Variants in CCNY observed in about 807,000 individuals in gnomAD.
CCNY encodes cyclin-Y.
CCNY carries 19 observed loss-of-function variants against 42.8 expected under a neutral mutation model. The ratio of observed to expected loss-of-function variants is 0.44; its 90% CI spans 0.31 to 0.65. CCNY has a LOEUF of 0.65. Ranked by LOEUF, CCNY falls within the 30% of genes least tolerant of loss-of-function variation. The pLI is 0.07. For missense variants in CCNY, 370 were observed against 437.3 expected (o/e 0.85, Z 1.37); for synonymous variants, 165 against 162.7 (o/e 1.01, Z -0.11).
chr10:35,424,048 G>T (rs1198382401), intron 1 of CCNY, among the ~76,000 whole-genome samples: 1 of 152,138 alleles, frequency 6.6e-6, no homozygotes, highest in Non-Finnish European at 1.5e-5. Context: ...ACTGCCTGGG[G>T]CTCTGGGGAC....
intron 3 of CCNY, among the ~76,000 whole-genome samples, chr10:35,326,712 CCT>C (rs1835884816): frequency 6.6e-6 from 1 of 151,916 alleles, no homozygotes; most frequent in African/African-American, 2.4e-5. Context: ...ATAGCAAGAC[CCT>C]GTCTCAAAAA....
Position 35,530,230 on chromosome 10 carries a change from C to T in CCNY, c.566C>T (p.Ala189Val). Residue 189 changes from alanine (A) to valine (V), a missense_variant, in exon 7 of 10, where the codon GCC (alanine) becomes GTC (valine). Transcript: ENST00000374704. This position sits in a 1 kb window ranked among gnomAD's most constrained non-coding sequence, Gnocchi z 4.3. ...GCTGCTCAGCTGACGGCTGAATGTG[C>T]CATCGTCACCCTGGTGAGTGCCCTC... ...FSAAQLTAEC[A>V]IVTLVYLERL... The T allele has an allele frequency of 6.2e-7, 1 of 1,614,196 alleles. No homozygotes were observed. The highest frequency in any genetic ancestry group is 8.5e-7 in the Non-Finnish European group (1 of 1,180,020).
chr10:35,284,660 T>A (rs1835334270), intron 3 of CCNY, among the ~76,000 whole-genome samples: 1 of 152,072 alleles, frequency 6.6e-6, no homozygotes, highest in South Asian at 2.1e-4. Flanking sequence ...TTGGTTAGGT[T>A]TCTTTTGCTA....
chr10:35,302,933 T>C (rs1760321794), intron 3 of CCNY, among the ~76,000 whole-genome samples: 1 of 152,164 alleles, frequency 6.6e-6, no homozygotes, highest in South Asian at 2.1e-4. Flanking sequence ...CGGTGGCTCA[T>C]GCCTGTAATC....
chr10:35,459,301 T>C (rs1276412360), intron 1 of CCNY, among the ~76,000 whole-genome samples: 2 of 152,116 alleles, frequency 1.3e-5, no homozygotes, highest in East Asian at 1.9e-4. Flanking sequence ...AGACCAAGCT[T>C]GTCCAGCCTG....
At chr10:35,413,320 GGTGA>G (rs1317413882) in intron 1 of CCNY, among the ~76,000 whole-genome samples, 1 of 152,108 alleles carries the variant, frequency 6.6e-6, no homozygotes, top group Non-Finnish European at 1.5e-5. Context: ...TGAACTGGGT[GGTGA>G]GTCAGTGGAT....
chr10:35,461,996 C>G (rs755518141), intron 1 of CCNY, among the ~76,000 whole-genome samples: 2 of 151,998 alleles, frequency 1.3e-5, no homozygotes, highest in African/African-American at 4.8e-5. Flanking sequence ...ATTCCAGGCT[C>G]CTCTAATCTC....
intron 1 of CCNY, among the ~76,000 whole-genome samples, chr10:35,404,851 G>A (rs2135235586): frequency 6.6e-6 from 1 of 152,276 alleles, no homozygotes; most frequent in East Asian, 1.9e-4. Flanking sequence ...TGAAGTAGTA[G>A]GGGCTGTCCA....
At chr10:35,399,179 G>C (rs1047684596) in intron 1 of CCNY, among the ~76,000 whole-genome samples, 4 of 152,204 alleles carry the variant, frequency 2.6e-5, no homozygotes, top group Non-Finnish European at 5.9e-5. Context: ...GTGCTTGACG[G>C]TAAGACAACT....
intron 1 of CCNY, among the ~76,000 whole-genome samples, chr10:35,358,966 A>C (rs1160157769): frequency 6.6e-6 from 1 of 152,172 alleles, no homozygotes; most frequent in Non-Finnish European, 1.5e-5. Context: ...TAGGGAGGTG[A>C]GTGGGCGCTG....
chr10:35,339,933 A>G (rs1005236671), intron 1 of CCNY, among the ~76,000 whole-genome samples: 1 of 151,952 alleles, frequency 6.6e-6, no homozygotes, highest in Non-Finnish European at 1.5e-5. Flanking sequence ...AGAGATTGAG[A>G]AAAAACAGCA....
intron 1 of CCNY, among the ~76,000 whole-genome samples, chr10:35,459,021 G>A (rs995074632): frequency 1.6e-4 from 25 of 152,214 alleles, no homozygotes; most frequent in African/African-American, 6.0e-4. Context: ...GGACCTCAAG[G>A]CTGAGCCACA....
At chr10:35,294,884 G>A (rs188344938) in intron 3 of CCNY, among the ~76,000 whole-genome samples, 126 of 152,272 alleles carry the variant, frequency 8.3e-4, no homozygotes, top group Non-Finnish European at 1.3e-3. Flanking sequence ...AATTTTCATC[G>A]TGGTAGTTTT....
At chr10:35,455,903 C>T (rs1302171675) in intron 1 of CCNY, among the ~76,000 whole-genome samples, 1 of 150,914 alleles carries the variant, frequency 6.6e-6, no homozygotes, top group Admixed American at 6.6e-5. Context: ...ACTGAAGCCC[C>T]AAAATCCTGG....
At chr10:35,423,503 A>G (rs1589111468) in intron 1 of CCNY, among the ~76,000 whole-genome samples, 6 of 147,942 alleles carry the variant, frequency 4.1e-5, no homozygotes, top group African/African-American at 2.5e-5. Flanking sequence ...CTGCTGAAAG[A>G]GGCTTTTTTT....
At chr10:35,294,459 A>G (rs191359152) in intron 3 of CCNY, among the ~76,000 whole-genome samples, 13 of 152,328 alleles carry the variant, frequency 8.5e-5, no homozygotes, top group Admixed American at 2.0e-4. Flanking sequence ...GAATGTTTTT[A>G]TTATGAAAGA....
chr10:35,444,473 C>A (rs939428653), intron 1 of CCNY, among the ~76,000 whole-genome samples: 1 of 152,136 alleles, frequency 6.6e-6, no homozygotes, highest in Non-Finnish European at 1.5e-5. Flanking sequence ...GTGTTGAACT[C>A]CTGACCTCAA....
chr10:35,310,663 AT>A (rs200102922), intron 3 of CCNY, among the ~76,000 whole-genome samples: 1,678 of 152,232 alleles, frequency 0.011, 42 homozygotes, highest in African/African-American at 0.039. Flanking sequence ...GATGCTGAGC[AT>A]TTTTCATACA....
intron 1 of CCNY, among the ~76,000 whole-genome samples, chr10:35,395,920 A>T (rs1837514793): frequency 6.6e-6 from 1 of 152,018 alleles, no homozygotes; most frequent in South Asian, 2.1e-4. Flanking sequence ...GTTTTACAGC[A>T]TCCCCAGCTG....
Sources: gnomAD v4.1 joint callset for allele counts (sites outside exome capture counted in the v4.1 genomes callset) on GRCh38, gnomAD v4.1.1 for gene constraint, Gnocchi (gnomAD v3.1) non-coding constraint, MANE v1.5 for transcripts, NCBI Gene and HGNC (gene_info 2026-07-23, HGNC 2026-07-21) for gene names.